The following ATXN10 variants were observed in gnomAD, a reference collection of about 807,000 sequenced individuals.
ATXN10 encodes the protein ataxin-10.
ATXN10 carries 28 observed loss-of-function variants against 52.9 expected under a neutral mutation model. That is an observed-to-expected ratio of 0.53 (90% CI 0.39 to 0.73). The LOEUF (loss-of-function observed/expected upper bound fraction) is 0.73. Among genes scored for constraint, ATXN10 ranks in the 30% least tolerant of loss-of-function variants. The pLI, the probability that ATXN10 is intolerant of heterozygous loss-of-function variation, is 0.00. For missense variants in ATXN10, 565 were observed against 577.0 expected (o/e 0.98, Z 0.21); for synonymous variants, 226 against 221.5 (o/e 1.02, Z -0.18).
In ATXN10 at chr22:45,715,779, T is replaced by C. The variant is rs1317648635; in HGVS notation, c.648-2634T>C. Among the ~76,000 whole-genome samples the C allele has an allele frequency of 6.6e-6, 1 of 152,234 alleles. No homozygotes were observed. The highest frequency in any genetic ancestry group is 6.5e-5 in the Admixed American group (1 of 15,280). On this transcript the variant is annotated intron_variant, in intron 5 of 11. Coordinates refer to ENST00000252934, the MANE Select transcript of ATXN10 (RefSeq NM_013236.4). The surrounding 1 kb of genome is among the most constrained non-coding windows in gnomAD (Gnocchi z 4.4). ...ATGTTCACTAAGGTAGACCATAGGC[T>C]GGCCTGTACAAAAGTTTCAGTAAAT...
chr22:45,764,628 C>A (rs947622316), intron 9 of ATXN10, among the ~76,000 whole-genome samples: 1 of 152,126 alleles, frequency 6.6e-6, no homozygotes, highest in African/African-American at 2.4e-5. Context: ...GGTATCAAAC[C>A]CTTGCATGCT....
At chr22:45,761,437 T>A (rs908306295) in intron 9 of ATXN10, among the ~76,000 whole-genome samples, 2 of 152,250 alleles carry the variant, frequency 1.3e-5, no homozygotes, top group African/African-American at 2.4e-5. Context: ...TGAATATTTT[T>A]AAATCTGTTC....
rs950237680 is a variant in ATXN10 at position 45,718,121 on chromosome 22, C to T, written c.648-292C>T. ...TGCTAAATGAAGAATTTTTCTTTCT[C>T]AACTTAGATAACAGCTATAGTAGCC... is the stretch of plus-strand genomic sequence containing the variant. On this transcript the variant is annotated intron_variant, in intron 5 of 11. Coordinates refer to ENST00000252934, the MANE Select transcript of ATXN10 (RefSeq NM_013236.4). This position sits in a 1 kb window ranked among gnomAD's most constrained non-coding sequence, Gnocchi z 4.4. Among the ~76,000 whole-genome samples, 3 of 152,164 alleles carry T rather than the reference C, an allele frequency of 2.0e-5. No homozygotes were observed. The highest frequency in any genetic ancestry group is 2.1e-4 in the South Asian group (1 of 4,834).
chr22:45,710,509 A>G (rs1924204543), intron 5 of ATXN10, among the ~76,000 whole-genome samples: 1 of 152,090 alleles, frequency 6.6e-6, no homozygotes, highest in Non-Finnish European at 1.5e-5. Context: ...CATTATACAA[A>G]TCTTATTTGC....
intron 9 of ATXN10, among the ~76,000 whole-genome samples, chr22:45,801,191 C>T (rs1927920339): frequency 6.6e-6 from 1 of 152,140 alleles, no homozygotes; most frequent in African/African-American, 2.4e-5. Flanking sequence ...GTTAGAGTCA[C>T]CTGGAGAGTT....
intron 9 of ATXN10, among the ~76,000 whole-genome samples, chr22:45,760,201 C>G (rs193110315): frequency 6.6e-6 from 1 of 152,300 alleles, no homozygotes; most frequent in Admixed American, 6.5e-5. Flanking sequence ...TCTTTCCCAC[C>G]TACAGATGAC....
At position 45,729,556 on chromosome 22, in the gene ATXN10, TC is replaced by T; in HGVS notation, c.861del (p.Lys288SerfsTer26). ...TTTGTGGATCAGTGCAAGACTGTGCTCAAGCTGGCCTCTGAGGAGCCTCCTG... is the reference window on the plus strand; with the variant it reads ...TTTGTGGATCAGTGCAAGACTGTGCTAAGCTGGCCTCTGAGGAGCCTCCTG... ...STFVDQCKTV[L>X]KLASEEPPDD... On this transcript the variant is annotated frameshift_variant, in exon 7 of 12. Transcript: ENST00000252934. LOFTEE classifies it high-confidence loss of function. 6.2e-7 allele frequency: 1 copy of T among 1,614,166 alleles called. No homozygotes were observed. Among genetic ancestry groups the T allele is most frequent in the Non-Finnish European group, 8.5e-7 (1 of 1,180,018 alleles).
chr22:45,793,803 C>G (rs984357637), intron 9 of ATXN10: 1 of 1,311,392 alleles, frequency 7.6e-7, no homozygotes, highest in Non-Finnish European at 9.8e-7. Context: ...TGGGACTTAG[C>G]CTGGGAAGGT....
In ATXN10 at chr22:45,757,250, T is replaced by G. The variant is rs1411512262; in HGVS notation, c.1173+16712T>G. ...AAGAGAGGGCGTGTCCTTTGCCTGTTGGAATTCCAACCCTGGCGACTTTCA... is the reference window on the plus strand; with the variant it reads ...AAGAGAGGGCGTGTCCTTTGCCTGTGGGAATTCCAACCCTGGCGACTTTCA... On this transcript the variant is annotated intron_variant, in intron 9 of 11. Transcript: ENST00000252934. The surrounding 1 kb of genome is among the most constrained non-coding windows in gnomAD (Gnocchi z 4.6). 1.3e-5 allele frequency among the ~76,000 whole-genome samples: 2 copies of G among 152,144 alleles called. No individual in the cohort carries two copies. Among genetic ancestry groups the G allele is most frequent in the African/African-American group, 4.8e-5 (2 of 41,428 alleles).
chr22:45,722,085 A>G (rs1056889039), intron 6 of ATXN10, among the ~76,000 whole-genome samples: 1 of 152,208 alleles, frequency 6.6e-6, no homozygotes, highest in Non-Finnish European at 1.5e-5. Context: ...TGTCTGGTGA[A>G]CTCAGAGCAG....
In ATXN10 at chr22:45,844,887, T is replaced by A. The variant is rs879778313; in HGVS notation, c.*1216T>A. On this transcript the variant is annotated 3_prime_UTR_variant, in exon 12 of 12. Transcript: ENST00000252934. ...TTTGTGTAGACATAGTTTAACTGAT[T>A]TGTAAAAATAGCTTAAGCATGTTGA... The A allele has an allele frequency of 6.6e-6, 1 of 152,260 alleles. No homozygotes were observed. The highest frequency in any genetic ancestry group is 1.5e-5 in the Non-Finnish European group (1 of 68,040). The allele number at this position is 152,260 out of a possible 1,614,324, so 9.4% of individuals were successfully genotyped here. A position where few individuals can be genotyped will look rare whatever the true frequency, so the allele number is the denominator to read the frequency against.
intron 7 of ATXN10, among the ~76,000 whole-genome samples, chr22:45,737,875 T>A (rs931827293): frequency 1.3e-5 from 2 of 151,264 alleles, no homozygotes; most frequent in African/African-American, 4.9e-5. Context: ...ATTTTTATAT[T>A]TTTTTTTACT....
chr22:45,834,750 G>A (rs1929109466), intron 10 of ATXN10, among the ~76,000 whole-genome samples: 1 of 152,188 alleles, frequency 6.6e-6, no homozygotes. Flanking sequence ...CACATGGTGA[G>A]CACACATTCT....
intron 9 of ATXN10, among the ~76,000 whole-genome samples, chr22:45,751,740 G>GA (rs200364242): frequency 0.32 from 14,616 of 45,388 alleles, 1,433 homozygotes; most frequent in East Asian, 0.38. Flanking sequence ...CCTTTTTCTG[G>GA]AAAAAAAAAA....
intron 9 of ATXN10, 169 bp downstream of exon 9, chr22:45,740,707 CACACACACACACAT>C (rs1452931508): frequency 4.8e-6 from 2 of 418,356 alleles, no homozygotes; most frequent in South Asian, 5.1e-5. Context: ...CACACACACA[CACACACACACACAT>C]ATATATACAC....
intron 1 of ATXN10, among the ~76,000 whole-genome samples, chr22:45,686,223 G>T (rs921889019): frequency 2.0e-5 from 3 of 152,178 alleles, no homozygotes; most frequent in Admixed American, 2.0e-4. Context: ...GGATTACATA[G>T]CAAGGCTGTG....
At chr22:45,746,471 G>A (rs1039839491) in intron 9 of ATXN10, among the ~76,000 whole-genome samples, 4 of 152,068 alleles carry the variant, frequency 2.6e-5, no homozygotes, top group African/African-American at 9.7e-5. Context: ...ATCAGTACTG[G>A]CTGACTTGTC....
At chr22:45,722,754 C>T (rs1223162685) in intron 6 of ATXN10, among the ~76,000 whole-genome samples, 1 of 152,040 alleles carries the variant, frequency 6.6e-6, no homozygotes, top group Non-Finnish European at 1.5e-5. Flanking sequence ...CTTTGATTTC[C>T]ACCACCTTGG....
intron 7 of ATXN10, among the ~76,000 whole-genome samples, chr22:45,737,024 T>A (rs1316117211): frequency 6.6e-6 from 1 of 152,242 alleles, no homozygotes; most frequent in African/African-American, 2.4e-5. Flanking sequence ...TTGTTTTCCC[T>A]CTTGATTACC....
Sources: allele counts gnomAD v4.1 joint callset (sites outside exome capture counted in the v4.1 genomes callset), GRCh38; gene constraint gnomAD v4.1.1; non-coding constraint Gnocchi (gnomAD v3.1); transcripts MANE v1.5; gene names NCBI Gene and HGNC (gene_info 2026-07-23, HGNC 2026-07-21).